NR6A1: variants seen among roughly 807,000 people sequenced by gnomAD.
The protein encoded by NR6A1 is nuclear receptor subfamily 6 group A member 1.
NR6A1 carries 7 observed loss-of-function variants against 59.1 expected under a neutral mutation model. The observed-to-expected ratio is 0.12, with a 90% confidence interval of 0.07 to 0.22. The LOEUF (loss-of-function observed/expected upper bound fraction) is 0.22, where lower values mean the gene tolerates loss of function less well. Ranked by LOEUF, NR6A1 falls within the 10% of genes least tolerant of loss-of-function variation. The pLI, the probability that NR6A1 is intolerant of heterozygous loss-of-function variation, is 1.00. For synonymous variants in NR6A1, 243 were observed against 236.1 expected (o/e 1.03, Z -0.27); for missense variants, 468 against 611.6 (o/e 0.77, Z 2.48).
intron 2 of NR6A1, among the ~76,000 whole-genome samples, chr9:124,597,131 C>T (rs1024438310): frequency 6.6e-6 from 1 of 152,132 alleles, no homozygotes; most frequent in Non-Finnish European, 1.5e-5. Flanking sequence ...CAACAGAGAG[C>T]ATTAGGGTCA....
At chr9:124,688,847 C>T (rs543333148) in intron 2 of NR6A1, among the ~76,000 whole-genome samples, 1 of 152,104 alleles carries the variant, frequency 6.6e-6, no homozygotes, top group Non-Finnish European at 1.5e-5. Flanking sequence ...GAATCCATAG[C>T]GGATTTTTAA....
At chr9:124,729,086 G>T (rs1157309308) in intron 2 of NR6A1, among the ~76,000 whole-genome samples, 1 of 152,138 alleles carries the variant, frequency 6.6e-6, no homozygotes, top group Non-Finnish European at 1.5e-5. Context: ...CTAAAACCTA[G>T]ATAAGTCTAG....
chr9:124,544,915 T>C (rs1267774354), intron 3 of NR6A1, among the ~76,000 whole-genome samples: 1 of 152,130 alleles, frequency 6.6e-6, no homozygotes, highest in Non-Finnish European at 1.5e-5. Flanking sequence ...GGAGGGTAGC[T>C]TGGAAGGGGT....
chr9:124,647,451 G>A (rs1213925225), intron 2 of NR6A1, among the ~76,000 whole-genome samples: 1 of 152,106 alleles, frequency 6.6e-6, no homozygotes, highest in African/African-American at 2.4e-5. Flanking sequence ...ATGGGGGCCG[G>A]CCGCAGTGGT....
intron 2 of NR6A1, among the ~76,000 whole-genome samples, chr9:124,687,718 T>G (rs777743045): frequency 3.3e-5 from 5 of 152,164 alleles, no homozygotes; most frequent in Non-Finnish European, 7.3e-5. Context: ...AAACCAGAAT[T>G]AGTAGTCAAA....
chr9:124,743,640 G>C (rs1840240549), intron 1 of NR6A1, among the ~76,000 whole-genome samples: 1 of 152,062 alleles, frequency 6.6e-6, no homozygotes, highest in Non-Finnish European at 1.5e-5. Flanking sequence ...CCAGACTGAA[G>C]GCAGAAAAGC....
At chr9:124,653,955 G>A (rs980442366) in intron 2 of NR6A1, among the ~76,000 whole-genome samples, 4 of 152,110 alleles carry the variant, frequency 2.6e-5, no homozygotes, top group Non-Finnish European at 5.9e-5. Flanking sequence ...GAAAGATCAG[G>A]TCTAATTAAT....
Position 124,518,613 on chromosome 9 carries a change from T to G in NR6A1, c.*4092A>C, listed in dbSNP as rs914155556. On this transcript the variant is annotated 3_prime_UTR_variant, in exon 10 of 10. Coordinates refer to ENST00000487099, the MANE Select transcript of NR6A1 (RefSeq NM_033334.4). ...AACATCATTTCACAGATACTGGACATAGATGCTTCAAGCCAAGGAGAAAGG... is the reference window on the plus strand; with the variant it reads ...AACATCATTTCACAGATACTGGACAGAGATGCTTCAAGCCAAGGAGAAAGG... 6.6e-6 allele frequency: 1 copy of G among 151,886 alleles called. No individual in the cohort carries two copies. The highest frequency in any genetic ancestry group is 1.5e-5 in the Non-Finnish European group (1 of 68,016). The allele number at this position is 151,886 out of a possible 1,614,324, so 9.4% of individuals were successfully genotyped here. A position where few individuals can be genotyped will look rare whatever the true frequency, so the allele number is the denominator to read the frequency against.
At chr9:124,709,156 T>C (rs915452023) in intron 2 of NR6A1, among the ~76,000 whole-genome samples, 5 of 152,234 alleles carry the variant, frequency 3.3e-5, no homozygotes, top group African/African-American at 7.2e-5. Flanking sequence ...TGTCTGCTCA[T>C]TGTCCTGGCT....
intron 2 of NR6A1, among the ~76,000 whole-genome samples, chr9:124,722,087 C>G (rs1564253861): frequency 6.6e-6 from 1 of 152,188 alleles, no homozygotes; most frequent in Non-Finnish European, 1.5e-5. Context: ...TATTTTGTGT[C>G]TGCCTTCCTG....
chr9:124,530,698 G>A (rs1484735285), intron 7 of NR6A1, among the ~76,000 whole-genome samples: 1 of 152,208 alleles, frequency 6.6e-6, no homozygotes, highest in Non-Finnish European at 1.5e-5. Flanking sequence ...ACCCCCAGGA[G>A]TGGCCATCAG....
intron 2 of NR6A1, among the ~76,000 whole-genome samples, chr9:124,577,118 C>G (rs1024441685): frequency 6.6e-6 from 1 of 152,120 alleles, no homozygotes; most frequent in African/African-American, 2.4e-5. Context: ...ATTTCTCCAG[C>G]CAGGGGCCGT....
intron 2 of NR6A1, among the ~76,000 whole-genome samples, chr9:124,626,615 G>T (rs117658118): frequency 6.6e-6 from 1 of 152,172 alleles, no homozygotes; most frequent in Non-Finnish European, 1.5e-5. Flanking sequence ...CCTGCTGCCT[G>T]GAACTTAAAA....
At chr9:124,529,035 G>A (rs967949794) in intron 7 of NR6A1, among the ~76,000 whole-genome samples, 3 of 152,234 alleles carry the variant, frequency 2.0e-5, no homozygotes, top group Non-Finnish European at 2.9e-5. Flanking sequence ...GTTGACCTTC[G>A]GCCTTGGCAT....
chr9:124,633,130 C>T (rs985765455), intron 2 of NR6A1, among the ~76,000 whole-genome samples: 7 of 152,086 alleles, frequency 4.6e-5, no homozygotes, highest in Non-Finnish European at 1.0e-4. Flanking sequence ...TCAGGCCGGG[C>T]GCAGTGGCTC....
At chr9:124,595,283 C>T (rs1313617813) in intron 2 of NR6A1, among the ~76,000 whole-genome samples, 3 of 152,122 alleles carry the variant, frequency 2.0e-5, no homozygotes, top group Non-Finnish European at 2.9e-5. Context: ...ATAGAAGCTC[C>T]CTACCAGAGG....
chr9:124,590,061 CAAAAAAAAAAAAAAA>C (rs71372976), intron 2 of NR6A1, among the ~76,000 whole-genome samples: 7 of 30,894 alleles, frequency 2.3e-4, no homozygotes, highest in Admixed American at 6.0e-4. Context: ...AAGACTCTGT[CAAAAAAAAAAAAAAA>C]AAAAAAAAAA....
In NR6A1 at chr9:124,624,778, G is replaced by A. The variant is rs937259220; in HGVS notation, c.143-70208C>T. The stretch of plus-strand genomic sequence containing the variant: ...CAGCTTGCGCAGTGCTCTGGGTTTT[G>A]CTCCAGATCTGTCACATTGCATTAG... On this transcript the variant is annotated intron_variant, in intron 2 of 9. Coordinates refer to ENST00000487099, the MANE Select transcript of NR6A1 (RefSeq NM_033334.4). Among the ~76,000 whole-genome samples, 68 of 152,306 alleles carry A rather than the reference G, an allele frequency of 4.5e-4. 1 individual carries two copies. Among genetic ancestry groups the A allele is most frequent in the African/African-American group, 1.6e-3 (67 of 41,570 alleles).
intron 1 of NR6A1, among the ~76,000 whole-genome samples, chr9:124,738,803 G>T (rs934146449): frequency 7.9e-5 from 12 of 152,168 alleles, no homozygotes; most frequent in Non-Finnish European, 1.3e-4. Flanking sequence ...AGGAGTTTGA[G>T]ACCAGCTTGG....
Sources: allele counts gnomAD v4.1 joint callset (sites outside exome capture counted in the v4.1 genomes callset), GRCh38; gene constraint gnomAD v4.1.1; transcripts MANE v1.5; gene names NCBI Gene and HGNC (gene_info 2026-07-23, HGNC 2026-07-21).